OTUD7A: variants seen among roughly 807,000 people sequenced by gnomAD.
OTUD7A encodes OTU domain-containing protein 7A.
OTUD7A carries 12 observed loss-of-function variants against 65.7 expected under a neutral mutation model. That is an observed-to-expected ratio of 0.18 (90% CI 0.12 to 0.30). The LOEUF (loss-of-function observed/expected upper bound fraction) is 0.30. Among genes scored for constraint, OTUD7A ranks in the 10% least tolerant of loss-of-function variants. The pLI is 1.00. For synonymous variants in OTUD7A, 641 were observed against 586.3 expected (o/e 1.09, Z -1.35); for missense variants, 1,148 against 1,304.8 (o/e 0.88, Z 1.85).
At chr15:31,674,666 T>A (rs1205767169) in intron 1 of OTUD7A, among the ~76,000 whole-genome samples, 3 of 152,208 alleles carry the variant, frequency 2.0e-5, no homozygotes, top group Admixed American at 2.0e-4. Context: ...TGGACGACGA[T>A]CCAGTCTACC....
chr15:31,674,635 A>T (rs902454990), intron 1 of OTUD7A, among the ~76,000 whole-genome samples: 2 of 152,156 alleles, frequency 1.3e-5, no homozygotes, highest in African/African-American at 2.4e-5. Flanking sequence ...CTTGTGATTC[A>T]CCAATCTGCA....
chr15:31,661,093 T>A (rs183180635), intron 1 of OTUD7A, among the ~76,000 whole-genome samples: 1 of 152,352 alleles, frequency 6.6e-6, no homozygotes, highest in Admixed American at 6.5e-5. Context: ...TAAAATAAAA[T>A]ACGTGCATAG....
At chr15:31,618,891 G>A (rs532585521) in intron 3 of OTUD7A, among the ~76,000 whole-genome samples, 3 of 152,168 alleles carry the variant, frequency 2.0e-5, no homozygotes, top group African/African-American at 7.2e-5. Flanking sequence ...TTTCTTCTAG[G>A]GTTTTTATGG....
At chr15:31,712,962 G>T (rs139890553) in intron 1 of OTUD7A, among the ~76,000 whole-genome samples, 10,429 of 151,580 alleles carry the variant, frequency 0.069, 389 homozygotes, top group African/African-American at 0.2. Context: ...CCTAACTGGG[G>T]CTTCTGGCCT....
In OTUD7A at chr15:31,841,204, G is replaced by A. The variant is rs561203390; in HGVS notation, c.-100+29303C>T. Among the ~76,000 whole-genome samples the A allele has an allele frequency of 2.2e-4, 33 of 152,212 alleles. 1 individual carries two copies. The highest frequency in any genetic ancestry group is 2.1e-3 in the East Asian group (11 of 5,188). ...GCTAAGCTCCAGCCCCTTTTTCTTCGTCACAGAGTCCCTTGGCAAGGCACT... is the reference window on the plus strand; with the variant it reads ...GCTAAGCTCCAGCCCCTTTTTCTTCATCACAGAGTCCCTTGGCAAGGCACT... On this transcript the variant is annotated intron_variant, in intron 1 of 12. Coordinates refer to ENST00000307050, the MANE Select transcript of OTUD7A (RefSeq NM_001382637.1).
At chr15:31,499,874 C>A (rs2041441039) in intron 10 of OTUD7A, among the ~76,000 whole-genome samples, 2 of 152,244 alleles carry the variant, frequency 1.3e-5, no homozygotes, top group Non-Finnish European at 2.9e-5. Flanking sequence ...AAACCACCCA[C>A]AACTCTGCAA....
intron 1 of OTUD7A, among the ~76,000 whole-genome samples, chr15:31,681,141 T>A (rs551773810): frequency 4.6e-5 from 7 of 151,610 alleles, no homozygotes; most frequent in Admixed American, 2.0e-4. Context: ...CCTGTCCGTA[T>A]GTATCTATCT....
At chr15:31,838,542 C>T (rs967519376) in intron 1 of OTUD7A, among the ~76,000 whole-genome samples, 6 of 152,198 alleles carry the variant, frequency 3.9e-5, no homozygotes, top group Non-Finnish European at 8.8e-5. Context: ...TCCAGGAAGC[C>T]TGCAGAACCA....
intron 1 of OTUD7A, among the ~76,000 whole-genome samples, chr15:31,854,884 G>T (rs1897526973): frequency 1.3e-5 from 2 of 150,302 alleles, no homozygotes; most frequent in Non-Finnish European, 3.0e-5. Flanking sequence ...GCATGGAAAA[G>T]AAATGAAGAA....
intron 1 of OTUD7A, among the ~76,000 whole-genome samples, chr15:31,807,808 C>A (rs1896309732): frequency 1.3e-5 from 2 of 151,944 alleles, no homozygotes; most frequent in Admixed American, 1.3e-4. Context: ...CTCCCCCAAC[C>A]CCCCAAAAAA....
intron 1 of OTUD7A, among the ~76,000 whole-genome samples, chr15:31,715,640 T>C (rs1372175064): frequency 7.4e-6 from 1 of 135,246 alleles, no homozygotes; most frequent in African/African-American, 2.7e-5. Flanking sequence ...AGAATTTAAG[T>C]TCTGGGAACT....
In OTUD7A at chr15:31,565,522, T is replaced by A. The variant is rs531063234; in HGVS notation, c.331+4496A>T. 2.7e-3 allele frequency among the ~76,000 whole-genome samples: 417 copies of A among 152,330 alleles called. 1 individual carries two copies. The highest frequency in any genetic ancestry group is 4.7e-3 in the Non-Finnish European group (320 of 68,022). The stretch of plus-strand genomic sequence containing the variant: ...CAATATTATAAATGCAAATTATTTT[T>A]AAAATTAAATAAAAATCCATTCCAA... On this transcript the variant is annotated intron_variant, in intron 4 of 12. Coordinates refer to ENST00000307050, the MANE Select transcript of OTUD7A (RefSeq NM_001382637.1).
chr15:31,596,375 C>T (rs1267288289), intron 3 of OTUD7A, among the ~76,000 whole-genome samples: 1 of 152,184 alleles, frequency 6.6e-6, no homozygotes, highest in African/African-American at 2.4e-5. Flanking sequence ...AGTGAATTCA[C>T]CTATTCACTC....
At chr15:31,559,521 T>C (rs111067677) in intron 4 of OTUD7A, among the ~76,000 whole-genome samples, 4,097 of 152,014 alleles carry the variant, frequency 0.027, 194 homozygotes, top group African/African-American at 0.093. Context: ...TGCTCACACA[T>C]GAATACGAAA....
At chr15:31,501,153 A>G (rs1439017218) in intron 10 of OTUD7A, among the ~76,000 whole-genome samples, 4 of 152,232 alleles carry the variant, frequency 2.6e-5, no homozygotes, top group African/African-American at 7.2e-5. Context: ...AGCAGGGGTG[A>G]GCAAACTCTT....
At chr15:31,530,863 G>C (rs2042076583) in intron 5 of OTUD7A, 55 bp from the exon 6 acceptor site, 2 of 1,477,084 alleles carry the variant, frequency 1.4e-6, no homozygotes. Context: ...GGGCCACTGG[G>C]GGTGTTTGCT....
intron 1 of OTUD7A, among the ~76,000 whole-genome samples, chr15:31,794,729 G>A (rs1292649985): frequency 6.6e-6 from 1 of 152,138 alleles, no homozygotes. Context: ...CCACCGTCTG[G>A]GGGATGCTCC....
Position 31,723,400 on chromosome 15 carries a change from C to A in OTUD7A, c.-99-66323G>T, listed in dbSNP as rs1484669878. On this transcript the variant is annotated intron_variant, in intron 1 of 12. Transcript: ENST00000307050. ...GCCCCCCGCACCGCACGCCACCCCC[C>A]CCCCCCCGCCCCCCGTTTGCCCATG... 6.5e-5 allele frequency among the ~76,000 whole-genome samples: 8 copies of A among 122,396 alleles called. No homozygotes were observed. In the East Asian group the frequency reaches 1.5e-3, roughly 23 times the overall value. 80.3% of individuals were successfully genotyped at this position (122,396 alleles called of 152,430 possible).
Position 31,484,798 on chromosome 15 carries a change from C to T in OTUD7A, c.1372-74G>A. ...CCACGCGCCAGCGAGGAAGACACAC[C>T]TTGCCCCTGTGTTGCCGAGGCTAGG... On this transcript the variant is annotated intron_variant, in intron 12 of 12. Coordinates refer to ENST00000307050, the MANE Select transcript of OTUD7A (RefSeq NM_001382637.1). This position sits in a 1 kb window ranked among gnomAD's most constrained non-coding sequence, Gnocchi z 4.5. 1 of 1,524,548 alleles carries T rather than the reference C, an allele frequency of 6.6e-7. No homozygotes were observed. Among genetic ancestry groups the T allele is most frequent in the Non-Finnish European group, 8.8e-7 (1 of 1,139,238 alleles). 94.4% of individuals were successfully genotyped at this position (1,524,548 alleles called of 1,614,324 possible). A position where few individuals can be genotyped will look rare whatever the true frequency, so the allele number is the denominator to read the frequency against.
Sources: allele counts gnomAD v4.1 joint callset (sites outside exome capture counted in the v4.1 genomes callset), GRCh38; gene constraint gnomAD v4.1.1; non-coding constraint Gnocchi (gnomAD v3.1); transcripts MANE v1.5; gene names NCBI Gene and HGNC (gene_info 2026-07-23, HGNC 2026-07-21).